The following ADAM17 variants were observed in gnomAD, a reference collection of about 807,000 sequenced individuals.
The protein encoded by ADAM17 is ADAM metallopeptidase domain 17, also known as disintegrin and metalloproteinase domain-containing protein 17.
A neutral mutation model predicts 96.7 loss-of-function variants in ADAM17; 39 were observed. That is an observed-to-expected ratio of 0.40 (90% CI 0.31 to 0.53). The LOEUF (loss-of-function observed/expected upper bound fraction) is 0.53. ADAM17 is among the 20% of genes least tolerant of loss of function. The probability of loss-of-function intolerance (pLI) is 0.44; values close to 1 mark genes in which losing one functional copy is unlikely to be tolerated. For synonymous variants in ADAM17, 344 were observed against 359.2 expected, an observed-to-expected ratio of 0.96 and a Z score of 0.48; for missense variants, 777 against 1,013.2, an observed-to-expected ratio of 0.77 and a Z score of 3.17.
chr2:9,541,841 C>T (rs1665217956), intron 2 of ADAM17, among the ~76,000 whole-genome samples: 1 of 150,778 alleles, frequency 6.6e-6, no homozygotes, highest in Non-Finnish European at 1.5e-5. Flanking sequence ...GAGTTCAAGA[C>T]CAGCCTGGCC....
At chr2:9,522,671 T>C in intron 7 of ADAM17, among the ~76,000 whole-genome samples, 1 of 152,298 alleles carries the variant, frequency 6.6e-6, no homozygotes, top group East Asian at 1.9e-4. Flanking sequence ...AAAATGTCTC[T>C]CTGCCCAAAG....
At chr2:9,549,318 T>C (rs1665511999) in intron 1 of ADAM17, among the ~76,000 whole-genome samples, 1 of 152,098 alleles carries the variant, frequency 6.6e-6, no homozygotes, top group South Asian at 2.1e-4. Flanking sequence ...TTGCAGTGAG[T>C]GAGCTGAGAT....
At chr2:9,531,456 C>T (rs1338945030) in intron 4 of ADAM17, among the ~76,000 whole-genome samples, 7 of 152,112 alleles carry the variant, frequency 4.6e-5, no homozygotes, top group Middle Eastern at 3.4e-3. Flanking sequence ...AATCCCAGCA[C>T]CTTGGGAGGC....
At chr2:9,494,911 C>A in intron 14 of ADAM17, 144 bp from the exon 15 acceptor site, 1 of 975,724 alleles carries the variant, frequency 1.0e-6, no homozygotes, top group Non-Finnish European at 1.5e-6. Flanking sequence ...TATCCATAGC[C>A]CCCACCAAGG....
intron 10 of ADAM17, among the ~76,000 whole-genome samples, chr2:9,513,799 C>A (rs535541154): frequency 1.3e-5 from 2 of 151,914 alleles, no homozygotes; most frequent in Non-Finnish European, 2.9e-5. Context: ...CCGAGGCAGA[C>A]GGATCACCTG....
chr2:9,518,092 G>T lies in ADAM17; in HGVS notation c.1102+11C>A. ...CAGCAGCATATTCACACAAGAAATG[G>T]AAAAACTTACCCTTTGGACAAACAC... On this transcript the variant is annotated intron_variant, in intron 9 of 18. Transcript: ENST00000310823. 1 of 1,577,270 alleles carries T rather than the reference G, an allele frequency of 6.3e-7. No homozygotes were observed. The highest frequency in any genetic ancestry group is 8.6e-7 in the Non-Finnish European group (1 of 1,165,386).
At chr2:9,542,053 A>G (rs972858977) in intron 2 of ADAM17, among the ~76,000 whole-genome samples, 2 of 152,226 alleles carry the variant, frequency 1.3e-5, no homozygotes, top group African/African-American at 4.8e-5. Context: ...TAAATAAATA[A>G]AGAATAATTC....
At chr2:9,525,144 T>C (rs1037713374) in intron 6 of ADAM17, among the ~76,000 whole-genome samples, 1 of 151,980 alleles carries the variant, frequency 6.6e-6, no homozygotes, top group South Asian at 2.1e-4. Flanking sequence ...TAAATTCACT[T>C]GATATGGGGC....
At chr2:9,553,675 CA>C (rs34545244) in intron 1 of ADAM17, among the ~76,000 whole-genome samples, 4,255 of 118,204 alleles carry the variant, frequency 0.036, 190 homozygotes, top group African/African-American at 0.12. Context: ...AACACTGCCT[CA>C]AAAAAAAAAA....
chr2:9,541,865 T>C (rs1665218712), intron 2 of ADAM17, among the ~76,000 whole-genome samples: 1 of 151,304 alleles, frequency 6.6e-6, no homozygotes, highest in African/African-American at 2.4e-5. Flanking sequence ...ATGGTGAAAC[T>C]CTGTCTCTAC....
At position 9,490,485 on chromosome 2, in the gene ADAM17, A is replaced by G; in HGVS notation, c.2167T>C (p.Ser723Pro). ...GGAAAGGGTTTGATAATGCGAACCG[A>G]TGCAGAATCCATGCTGCTCAGCATT... ...VEMLSSMDSA[S>P]VRIIKPFPAP... Residue 723 changes from serine to proline, a missense_variant, in exon 19 of 19, where the codon TCG (serine) becomes CCG (proline). By Grantham distance (74) the Ser-to-Pro change is moderately conservative. Around this residue, in one of 3 missense-constraint regions of ADAM17, gnomAD observed 197 missense variants for 219.4 expected, o/e 0.90. Coordinates refer to ENST00000310823, the MANE Select transcript of ADAM17 (RefSeq NM_003183.6). The G allele has an allele frequency of 6.2e-7, 1 of 1,613,958 alleles. No homozygotes were observed. Among genetic ancestry groups the G allele is most frequent in the Non-Finnish European group, 8.5e-7 (1 of 1,179,884 alleles).
chr2:9,523,473 A>G, intron 6 of ADAM17, 135 bp from the exon 7 acceptor site: 1 of 676,940 alleles, frequency 1.5e-6, no homozygotes. Context: ...CGCAAAAACT[A>G]GCATTGAGAT....
In ADAM17 at chr2:9,490,433, T is replaced by G. The variant is rs774314959; in HGVS notation, c.2219A>C (p.Gln740Pro). 24 of 1,614,102 alleles carry G rather than the reference T, an allele frequency of 1.5e-5. No individual in the cohort carries two copies. The highest frequency in any genetic ancestry group is 5.1e-6 in the Non-Finnish European group (6 of 1,180,052). Residue 740 changes from glutamine to proline, a missense_variant, in exon 19 of 19, where the codon CAG becomes CCG. Around this residue, in one of 3 missense-constraint regions of ADAM17, gnomAD observed 197 missense variants for 219.4 expected, o/e 0.90. Transcript: ENST00000310823. ...CGCCGAAGGGATCACAGGGGCAGGC[T>G]GCAGGCGGCCTGGAGTCTGGGGCGC... ...FPAPQTPGRL[Q>P]PAPVIPSAPA...
chr2:9,538,686 A>C (rs1437621554), intron 2 of ADAM17, among the ~76,000 whole-genome samples: 2 of 152,250 alleles, frequency 1.3e-5, no homozygotes, highest in Admixed American at 6.5e-5. Context: ...AAAGATAAAG[A>C]CCAAGCGATT....
At chr2:9,503,213 G>A (rs1002036148) in intron 12 of ADAM17, among the ~76,000 whole-genome samples, 24 of 150,178 alleles carry the variant, frequency 1.6e-4, no homozygotes, top group African/African-American at 5.6e-4. Flanking sequence ...TAAGACACTC[G>A]GCAGCCAGAA....
At position 9,502,168 on chromosome 2, in the gene ADAM17, C is replaced by T. The variant is rs1663041558; in HGVS notation, c.1648+5G>A. ...GCATTCCAAGGAAGCAACAAGAACA[C>T]GAACCTGTGCAGTAGGACACGCCTT... On this transcript the variant is annotated splice_donor_5th_base_variant and intron_variant, in intron 13 of 18. Transcript: ENST00000310823. The T allele has an allele frequency of 3.1e-6, 5 of 1,612,652 alleles. No individual in the cohort carries two copies. Among genetic ancestry groups the T allele is most frequent in the Non-Finnish European group, 4.2e-6 (5 of 1,178,894 alleles).
At chr2:9,505,928 A>C (rs1403528160) in intron 11 of ADAM17, among the ~76,000 whole-genome samples, 1 of 152,146 alleles carries the variant, frequency 6.6e-6, no homozygotes, top group Non-Finnish European at 1.5e-5. Flanking sequence ...TTAAATCCCC[A>C]ATTGTTACCT....
chr2:9,555,493 T>C lies in ADAM17; in HGVS notation c.97+16A>G. ...GCTCCAGGCGCCGGCCTAAGCCAACTCCCCTGGGTCTTTACCGAGTCTCTG... is the reference window on the plus strand; with the variant it reads ...GCTCCAGGCGCCGGCCTAAGCCAACCCCCCTGGGTCTTTACCGAGTCTCTG... On this transcript the variant is annotated intron_variant, in intron 1 of 18. Transcript: ENST00000310823. 1 of 1,565,150 alleles carries C rather than the reference T, an allele frequency of 6.4e-7. No individual in the cohort carries two copies. Among genetic ancestry groups the C allele is most frequent in the Non-Finnish European group, 8.7e-7 (1 of 1,155,706 alleles).
At chr2:9,494,813 G>GCCTCTCCTCCTGCCTCCTCTTTCCTC (rs1558494301) in intron 14 of ADAM17, 46 bp from the exon 15 acceptor site, 1 of 1,604,544 alleles carries the variant, frequency 6.2e-7, no homozygotes, top group East Asian at 2.2e-5. Context: ...TCTGAGACCT[G>GCCTCTCCTCCTGCCTCCTCTTTCCTC]CCTCTCCTCC....
Sources: allele counts gnomAD v4.1 joint callset (sites outside exome capture counted in the v4.1 genomes callset), GRCh38; gene constraint gnomAD v4.1.1; regional missense constraint gnomAD v4.1.1; transcripts MANE v1.5; gene names NCBI Gene and HGNC (gene_info 2026-07-23, HGNC 2026-07-21).